CYP4Z1: variants seen among roughly 807,000 people sequenced by gnomAD.
CYP4Z1 encodes cytochrome P450 4Z1.
CYP4Z1 carries 41 observed loss-of-function variants against 54.2 expected under a neutral mutation model. The observed-to-expected ratio is 0.76, with a 90% CI of 0.59 to 0.98. CYP4Z1 has a LOEUF of 0.98. Ranked by LOEUF, CYP4Z1 falls within the 50% of genes least tolerant of loss-of-function variation. CYP4Z1 has a pLI of 0.00. For synonymous variants in CYP4Z1, 163 were observed against 206.2 expected (o/e 0.79, Z 1.79); for missense variants, 513 against 599.0 (o/e 0.86, Z 1.50).
chr1:47,091,544 T>C lies in CYP4Z1; in HGVS notation c.773-3022T>C, dbSNP rs546125348. On this transcript the variant is annotated intron_variant, in intron 6 of 11. Transcript: ENST00000334194. ...TGTTAGCTACCTTTCCTTGCTTAAT[T>C]CAAGTGCTCTTGTAAGAGCTATTAG... Among the ~76,000 whole-genome samples, 150 of 149,450 alleles carry C rather than the reference T, an allele frequency of 1.0e-3. 11 individuals are homozygous for C. The highest frequency in any genetic ancestry group is 1.8e-3 in the Non-Finnish European group (118 of 67,336).
upstream of CYP4Z1, among the ~76,000 whole-genome samples, chr1:47,065,791 C>T (rs999245815): frequency 1.3e-5 from 2 of 151,950 alleles, no homozygotes; most frequent in African/African-American, 2.4e-5. Flanking sequence ...GTGAGATTAA[C>T]GAAGTAAACA....
intron 2 of CYP4Z1, among the ~76,000 whole-genome samples, chr1:47,077,735 T>G (rs961758237): frequency 3.3e-5 from 5 of 151,706 alleles, no homozygotes; most frequent in Non-Finnish European, 7.4e-5. Flanking sequence ...ATCCTCCCAC[T>G]TCAGCCTCCT....
At chr1:47,058,318 A>G in the CYP4Z1 span, among the ~76,000 whole-genome samples, 7 of 152,198 alleles carry the variant, frequency 4.6e-5, no homozygotes, top group Non-Finnish European at 1.0e-4. Context: ...CCTTGCTCCA[A>G]TAAAGACCTT....
intron 2 of CYP4Z1, among the ~76,000 whole-genome samples, chr1:47,080,031 A>C (rs898093252): frequency 6.6e-6 from 1 of 151,772 alleles, no homozygotes; most frequent in Admixed American, 6.6e-5. Context: ...CTAGATGTTC[A>C]TATGTTTTCT....
Position 47,068,722 on chromosome 1 carries a change from T to C in CYP4Z1, c.278T>C (p.Val93Ala). Residue 93 changes from valine to alanine, a missense_variant, in exon 2 of 12, where the codon GTC (valine) becomes GCC (alanine). Physicochemically the swap from Val to Ala is moderately conservative, Grantham distance 64. Coordinates refer to ENST00000334194, the MANE Select transcript of CYP4Z1 (RefSeq NM_178134.3). Reference protein sequence around the residue: ...WVGPFTMFFSVHDPDYAKILL... With the variant: ...WVGPFTMFFSAHDPDYAKILL... ...GGACCCTTTACGATGTTCTTCAGTG[T>C]CCATGACCCAGACTATGCCAAGATT... is the stretch of plus-strand genomic sequence containing the variant. 1 of 1,614,148 alleles carries C rather than the reference T, an allele frequency of 6.2e-7. No individual in the cohort carries two copies. The highest frequency in any genetic ancestry group is 8.5e-7 in the Non-Finnish European group (1 of 1,180,014).
chr1:47,109,873 CAAAA>C (rs56098025), intron 9 of CYP4Z1, among the ~76,000 whole-genome samples: 52 of 130,296 alleles, frequency 4.0e-4, no homozygotes, highest in African/African-American at 5.2e-4. Context: ...TCTACATGGC[CAAAA>C]AAAAAAAAAA....
At chr1:47,089,359 T>A (rs922126084) in intron 6 of CYP4Z1, among the ~76,000 whole-genome samples, 2 of 152,130 alleles carry the variant, frequency 1.3e-5, no homozygotes, top group African/African-American at 4.8e-5. Flanking sequence ...ATGTGCAGGA[T>A]GTGCAGGATA....
intron 6 of CYP4Z1, among the ~76,000 whole-genome samples, chr1:47,088,209 T>C (rs907294337): frequency 2.0e-5 from 3 of 151,578 alleles, no homozygotes; most frequent in Non-Finnish European, 4.4e-5. Context: ...GCTGGCCTCA[T>C]AAAATGAGTT....
rs372210194 is a variant in CYP4Z1, at chr1:47,093,642, G to A, written c.773-924G>A. Among the ~76,000 whole-genome samples the A allele has an allele frequency of 8.5e-5, 13 of 152,264 alleles. No individual in the cohort carries two copies. The East Asian group carries it at 2.5e-3, about 29-fold the overall frequency. On this transcript the variant is annotated intron_variant, in intron 6 of 11. Transcript: ENST00000334194. ...CATTTTAGTAGGAAACAGATTGGAT[G>A]TCTTAAAAGAACATAGGAACTGAGG...
At chr1:47,064,645 A>G (rs895214011), upstream of CYP4Z1, among the ~76,000 whole-genome samples, 10 of 152,172 alleles carry the variant, frequency 6.6e-5, no homozygotes, top group Non-Finnish European at 1.5e-4. Context: ...TTAAAAAAAA[A>G]CAAGGTTATT....
intron 8 of CYP4Z1, among the ~76,000 whole-genome samples, chr1:47,104,468 T>C (rs4926789): frequency 0.43 from 65,102 of 151,694 alleles, 15,273 homozygotes; most frequent in East Asian, 0.96. Context: ...CAGTGGTGGG[T>C]CAGGTAGGTG....
intron 8 of CYP4Z1, among the ~76,000 whole-genome samples, chr1:47,103,662 T>C (rs1644737211): frequency 6.6e-6 from 1 of 150,630 alleles, no homozygotes; most frequent in Non-Finnish European, 1.5e-5. Flanking sequence ...TGGCACGATC[T>C]TGGCTCACTG....
Position 47,068,727 on chromosome 1 carries a change from G to A in CYP4Z1, c.283G>A (p.Asp95Asn), listed in dbSNP as rs868678474. 7.4e-6 allele frequency: 12 copies of A among 1,614,028 alleles called. No homozygotes were observed. The African/African-American group carries it at 8.0e-5, about 11-fold the overall frequency. Reference sequence around the variant, plus strand: ...CTTTACGATGTTCTTCAGTGTCCATGACCCAGACTATGCCAAGATTCTCCT... The same window carrying A: ...CTTTACGATGTTCTTCAGTGTCCATAACCCAGACTATGCCAAGATTCTCCT... ...GPFTMFFSVH[D>N]PDYAKILLKR... The change falls in exon 2 of 12, where the codon GAC becomes AAC. Residue 95 changes from aspartate to asparagine, a missense_variant. Coordinates refer to ENST00000334194, the MANE Select transcript of CYP4Z1 (RefSeq NM_178134.3).
chr1:47,096,570 G>A (rs1214965918), intron 7 of CYP4Z1: 1 of 151,436 alleles, frequency 6.6e-6, no homozygotes, highest in Non-Finnish European at 1.5e-5. Flanking sequence ...GTGCCATAGT[G>A]GTTTGCTGCA....
intron 2 of CYP4Z1, among the ~76,000 whole-genome samples, chr1:47,079,146 G>T (rs1569709883): frequency 6.6e-6 from 1 of 152,130 alleles, no homozygotes; most frequent in Admixed American, 6.6e-5. Context: ...AAAATTCCTT[G>T]AGAACAAGGA....
At chr1:47,099,378 T>C in intron 8 of CYP4Z1, 94 bp downstream of exon 8, 2 of 1,205,790 alleles carry the variant, frequency 1.7e-6, no homozygotes, top group Non-Finnish European at 1.1e-6. Context: ...TGCATTGAGA[T>C]AGTCTGTATG....
intron 2 of CYP4Z1, among the ~76,000 whole-genome samples, chr1:47,078,601 C>G (rs1644542195): frequency 7.5e-6 from 1 of 132,462 alleles, no homozygotes; most frequent in Admixed American, 8.1e-5. Context: ...GTTTCTTTTA[C>G]ATGATTTGTA....
chr1:47,063,336 TCA>T (rs1644433721), upstream of CYP4Z1, among the ~76,000 whole-genome samples: 1 of 152,008 alleles, frequency 6.6e-6, no homozygotes, highest in Non-Finnish European at 1.5e-5. Context: ...CAAGGTTTTT[TCA>T]CACCCCCAAG....
At chr1:47,066,548 CAACAT>C (rs780782723), upstream of CYP4Z1, among the ~76,000 whole-genome samples, 1 of 152,152 alleles carries the variant, frequency 6.6e-6, no homozygotes, top group Admixed American at 6.5e-5. Context: ...AACCCACAGC[CAACAT>C]TATACTGAAA....
Sources: gnomAD v4.1 joint callset for allele counts (sites outside exome capture counted in the v4.1 genomes callset) on GRCh38, gnomAD v4.1.1 for gene constraint, MANE v1.5 for transcripts, NCBI Gene and HGNC (gene_info 2026-07-23, HGNC 2026-07-21) for gene names.